The following FBXL7 variants were observed in gnomAD, a reference collection of about 807,000 sequenced individuals.
The protein encoded by FBXL7 is F-box/LRR-repeat protein 7.
In FBXL7, 12 loss-of-function variants were observed where a neutral mutation model predicts 38.3. The ratio of observed to expected loss-of-function variants is 0.31; its 90% CI spans 0.20 to 0.51. The LOEUF (loss-of-function observed/expected upper bound fraction) is 0.51. FBXL7 is among the 20% of genes least tolerant of loss of function. The probability of loss-of-function intolerance (pLI) is 0.98; values close to 1 mark genes in which losing one functional copy is unlikely to be tolerated. For synonymous variants in FBXL7, 297 were observed against 300.9 expected (o/e 0.99, Z 0.13); for missense variants, 567 against 676.4 (o/e 0.84, Z 1.79).
chr5:15,574,098 T>A (rs1277318764), intron 1 of FBXL7, among the ~76,000 whole-genome samples: 1 of 152,242 alleles, frequency 6.6e-6, no homozygotes, highest in Non-Finnish European at 1.5e-5. Context: ...ATACCTGTCA[T>A]TATTATTAAT....
chr5:15,710,027 C>T (rs1409119936), intron 2 of FBXL7, among the ~76,000 whole-genome samples: 4 of 152,136 alleles, frequency 2.6e-5, no homozygotes, highest in Admixed American at 2.0e-4. Context: ...GGGACAAATA[C>T]ATTCTACTTT....
At chr5:15,711,054 T>C (rs907566938) in intron 2 of FBXL7, among the ~76,000 whole-genome samples, 2 of 152,226 alleles carry the variant, frequency 1.3e-5, no homozygotes, top group Non-Finnish European at 2.9e-5. Context: ...GGAGTTTTCC[T>C]GCACAAGCTC....
intron 2 of FBXL7, among the ~76,000 whole-genome samples, chr5:15,810,590 A>G (rs1737834353): frequency 6.6e-6 from 1 of 152,040 alleles, no homozygotes; most frequent in Non-Finnish European, 1.5e-5. Flanking sequence ...AAAACATGAA[A>G]TACAGATTTG....
intron 2 of FBXL7, among the ~76,000 whole-genome samples, chr5:15,650,793 T>A (rs1741683024): frequency 6.6e-6 from 1 of 152,238 alleles, no homozygotes; most frequent in African/African-American, 2.4e-5. Context: ...CTTTTCAAGT[T>A]TGATCATGAG....
chr5:15,754,456 C>G (rs970961496), intron 2 of FBXL7, among the ~76,000 whole-genome samples: 1 of 152,072 alleles, frequency 6.6e-6, no homozygotes, highest in Non-Finnish European at 1.5e-5. Context: ...CTAGAGCAAG[C>G]TGAGCATTTG....
At chr5:15,598,635 T>C (rs1161630843) in intron 1 of FBXL7, among the ~76,000 whole-genome samples, 2 of 152,184 alleles carry the variant, frequency 1.3e-5, no homozygotes, top group African/African-American at 2.4e-5. Context: ...TGCATTTTTA[T>C]TGAAATTGTT....
At chr5:15,751,354 A>C (rs1736150475) in intron 2 of FBXL7, among the ~76,000 whole-genome samples, 2 of 152,186 alleles carry the variant, frequency 1.3e-5, no homozygotes, top group African/African-American at 4.8e-5. Flanking sequence ...GTGGTGGATA[A>C]TGTTTGAAAG....
At position 15,761,578 on chromosome 5, in the gene FBXL7, C is replaced by G. The variant is rs915009710; in HGVS notation, c.127+145506C>G. Among the ~76,000 whole-genome samples the G allele has an allele frequency of 3.9e-5, 6 of 152,122 alleles. No individual in the cohort carries two copies. The East Asian group carries it at 1.2e-3, about 29-fold the overall frequency. ...ATTTTTTTGAAACAGGGTCTCACTC[C>G]GGTTGTCCAGGTTAGAGTGCTATAG... On this transcript the variant is annotated intron_variant, in intron 2 of 3. Transcript: ENST00000504595.
At chr5:15,508,575 C>G (rs1736708879) in intron 1 of FBXL7, among the ~76,000 whole-genome samples, 1 of 152,154 alleles carries the variant, frequency 6.6e-6, no homozygotes, top group South Asian at 2.1e-4. Flanking sequence ...CTAGAGATTT[C>G]TGCATTGAGT....
chr5:15,871,222 G>A (rs558705334), intron 2 of FBXL7, among the ~76,000 whole-genome samples: 1 of 152,202 alleles, frequency 6.6e-6, no homozygotes, highest in South Asian at 2.1e-4. Context: ...ACTGTTAGAA[G>A]GAAAACTAAC....
In FBXL7 at chr5:15,912,997, T is replaced by A. The variant is rs141309363; in HGVS notation, c.128-14893T>A. Among the ~76,000 whole-genome samples, 6 of 152,328 alleles carry A rather than the reference T, an allele frequency of 3.9e-5. No individual in the cohort carries two copies. In the East Asian group the frequency reaches 1.2e-3, roughly 29 times the overall value. On this transcript the variant is annotated intron_variant, in intron 2 of 3. Transcript: ENST00000504595. ...GCAGAGAAATTAAACAATGTTTAAGTGTACTAAGTCTCTTTACGTGTTCTT... is the reference window on the plus strand; with the variant it reads ...GCAGAGAAATTAAACAATGTTTAAGAGTACTAAGTCTCTTTACGTGTTCTT...
chr5:15,770,780 T>C (rs1048422391), intron 2 of FBXL7, among the ~76,000 whole-genome samples: 1 of 152,190 alleles, frequency 6.6e-6, no homozygotes, highest in African/African-American at 2.4e-5. Context: ...CCCACCATCA[T>C]ACAGGAATGA....
intron 2 of FBXL7, among the ~76,000 whole-genome samples, chr5:15,653,414 A>C (rs1741775066): frequency 1.3e-5 from 2 of 152,066 alleles, no homozygotes; most frequent in Admixed American, 6.6e-5. Flanking sequence ...CAGGAAAGAA[A>C]CCCCCTAAGA....
At position 15,830,485 on chromosome 5, in the gene FBXL7, A is replaced by AACACAC. The variant is rs57825713; in HGVS notation, c.128-97370_128-97365dup. On this transcript the variant is annotated intron_variant, in intron 2 of 3. Coordinates refer to ENST00000504595, the MANE Select transcript of FBXL7 (RefSeq NM_012304.5). Reference sequence around the variant, plus strand: ...GGCGACAGAGTGAGACTCCATCTAAAACACACACACACACACACACACACA... The same window carrying AACACAC: ...GGCGACAGAGTGAGACTCCATCTAAAACACACACACACACACACACACACACACACA... Among the ~76,000 whole-genome samples, 454 of 144,288 alleles carry AACACAC rather than the reference A, an allele frequency of 3.1e-3. 3 individuals are homozygous for AACACAC. The highest frequency in any genetic ancestry group is 0.01 in the African/African-American group (401 of 38,762). The allele number at this position is 144,288 out of a possible 152,430, so 94.7% of individuals were successfully genotyped here. A position where few individuals can be genotyped will look rare whatever the true frequency, so the allele number is the denominator to read the frequency against.
intron 2 of FBXL7, among the ~76,000 whole-genome samples, chr5:15,622,359 C>T (rs1426891256): frequency 6.6e-6 from 1 of 151,740 alleles, no homozygotes; most frequent in Non-Finnish European, 1.5e-5. Flanking sequence ...CATATGTATA[C>T]ATGTGCCATG....
rs533804990 is a variant in FBXL7, at chr5:15,890,054, A to G, written c.128-37836A>G. 4.5e-4 allele frequency among the ~76,000 whole-genome samples: 68 copies of G among 152,164 alleles called. No homozygotes were observed. The South Asian group carries it at 0.013, about 29-fold the overall frequency. The stretch of plus-strand genomic sequence containing the variant: ...TATCAGACTTCATTCTCTCATTTCA[A>G]ATGAAGAGCAGAACATTAACAGAGC... On this transcript the variant is annotated intron_variant, in intron 2 of 3. Coordinates refer to ENST00000504595, the MANE Select transcript of FBXL7 (RefSeq NM_012304.5).
At chr5:15,786,721 A>C (rs1487549798) in intron 2 of FBXL7, among the ~76,000 whole-genome samples, 1 of 152,218 alleles carries the variant, frequency 6.6e-6, no homozygotes, top group East Asian at 1.9e-4. Flanking sequence ...TAAAAAAATT[A>C]ATTACTTAGT....
chr5:15,673,299 A>G (rs1208479791), intron 2 of FBXL7, among the ~76,000 whole-genome samples: 1 of 152,096 alleles, frequency 6.6e-6, no homozygotes, highest in Non-Finnish European at 1.5e-5. Context: ...CTGGGTGACA[A>G]GAGCGAGACT....
chr5:15,725,896 T>A (rs577356528), intron 2 of FBXL7, among the ~76,000 whole-genome samples: 1 of 152,286 alleles, frequency 6.6e-6, no homozygotes, highest in Admixed American at 6.5e-5. Flanking sequence ...TGGTTTATTG[T>A]GTTGTTTAAG....
Sources: allele counts gnomAD v4.1 joint callset (sites outside exome capture counted in the v4.1 genomes callset), GRCh38; gene constraint gnomAD v4.1.1; transcripts MANE v1.5; gene names NCBI Gene and HGNC (gene_info 2026-07-23, HGNC 2026-07-21).